Variants in RBFOX3 observed in about 807,000 individuals in gnomAD.
RBFOX3 encodes the protein RNA binding fox-1 homolog 3, also known as RNA binding protein fox-1 homolog 3.
RBFOX3 carries 17 observed loss-of-function variants against 48.7 expected under a neutral mutation model. The observed-to-expected ratio is 0.35, with a 90% CI of 0.24 to 0.52. The LOEUF (loss-of-function observed/expected upper bound fraction) is 0.52. Among genes scored for constraint, RBFOX3 ranks in the 20% least tolerant of loss-of-function variants. The pLI is 0.94. For missense variants in RBFOX3, 382 were observed against 497.5 expected, an observed-to-expected ratio of 0.77 and a Z score of 2.21; for synonymous variants, 212 against 209.5, an observed-to-expected ratio of 1.01 and a Z score of -0.10.
intron 2 of RBFOX3, among the ~76,000 whole-genome samples, chr17:79,437,271 G>A (rs954932056): frequency 6.6e-6 from 1 of 152,210 alleles, no homozygotes; most frequent in Non-Finnish European, 1.5e-5. Context: ...GGCTGGCCCT[G>A]ACTGACAGCT....
intron 1 of RBFOX3, among the ~76,000 whole-genome samples, chr17:79,565,958 G>A (rs1195218996): frequency 2.6e-5 from 4 of 152,002 alleles, no homozygotes; most frequent in Admixed American, 6.6e-5. Flanking sequence ...CCAGTATTTT[G>A]GGTTCTACTA....
intron 2 of RBFOX3, among the ~76,000 whole-genome samples, chr17:79,464,122 C>A (rs2076001698): frequency 2.0e-5 from 3 of 152,240 alleles, no homozygotes; most frequent in African/African-American, 7.2e-5. Context: ...GGACCCAGAC[C>A]AGGAAATCCA....
intron 1 of RBFOX3, among the ~76,000 whole-genome samples, chr17:79,583,270 C>G (rs1251387258): frequency 6.6e-6 from 1 of 152,190 alleles, no homozygotes; most frequent in African/African-American, 2.4e-5. Flanking sequence ...ATGCAGTAAG[C>G]TGATGTGTGT....
At chr17:79,358,933 C>T (rs1214097715) in intron 2 of RBFOX3, among the ~76,000 whole-genome samples, 1 of 152,218 alleles carries the variant, frequency 6.6e-6, no homozygotes, top group Non-Finnish European at 1.5e-5. Flanking sequence ...CCCTCTTTTC[C>T]CAAGTGCCCC....
the RBFOX3 span, among the ~76,000 whole-genome samples, chr17:79,650,622 T>A: frequency 7.9e-5 from 12 of 151,888 alleles, no homozygotes; most frequent in Non-Finnish European, 1.2e-4. Flanking sequence ...TAAACAGAAG[T>A]CTCCGGCCCC....
chr17:79,547,174 A>G (rs1369075324), intron 1 of RBFOX3, among the ~76,000 whole-genome samples: 1 of 152,118 alleles, frequency 6.6e-6, no homozygotes, highest in African/African-American at 2.4e-5. Flanking sequence ...CCAAGCGTTC[A>G]CTTTTCTATT....
intron 1 of RBFOX3, among the ~76,000 whole-genome samples, chr17:79,483,518 C>T (rs1477224171): frequency 1.5e-5 from 2 of 136,282 alleles, no homozygotes; most frequent in African/African-American, 5.8e-5. Context: ...CCAAGGCCAT[C>T]CAGGAGCAGA....
At chr17:79,314,424 C>T (rs1269231906) in intron 2 of RBFOX3, among the ~76,000 whole-genome samples, 1 of 152,108 alleles carries the variant, frequency 6.6e-6, no homozygotes, top group African/African-American at 2.4e-5. Flanking sequence ...GCATACGGAG[C>T]TGGTGGGATA....
intron 5 of RBFOX3, among the ~76,000 whole-genome samples, chr17:79,112,134 C>A (rs1473603809): frequency 1.3e-5 from 2 of 152,166 alleles, no homozygotes; most frequent in Admixed American, 6.5e-5. Context: ...AGGGGAGGAG[C>A]CTTCCTGGGG....
At chr17:79,650,805 A>G in the RBFOX3 span, among the ~76,000 whole-genome samples, 2 of 152,140 alleles carry the variant, frequency 1.3e-5, no homozygotes, top group African/African-American at 4.8e-5. Flanking sequence ...CATCGACGTC[A>G]GCGCCCACCA....
chr17:79,473,083 G>A lies in RBFOX3; in HGVS notation c.-175+9371C>T, dbSNP rs1356525930. On this transcript the variant is annotated intron_variant, in intron 2 of 14. Transcript: ENST00000693108. This position sits in a 1 kb window ranked among gnomAD's most constrained non-coding sequence, Gnocchi z 4.2. ...TCACTAGAAAAATGGAATAAAGAAG[G>A]CATACAAAACACAAAGCCCAGGTTC... is the stretch of plus-strand genomic sequence containing the variant. Among the ~76,000 whole-genome samples, 1 of 152,078 alleles carries A rather than the reference G, an allele frequency of 6.6e-6. No homozygotes were observed. The highest frequency in any genetic ancestry group is 2.4e-5 in the African/African-American group (1 of 41,424).
the RBFOX3 span, among the ~76,000 whole-genome samples, chr17:79,639,409 C>G: frequency 9.5e-4 from 145 of 152,242 alleles, 1 homozygote; most frequent in Middle Eastern, 0.031. Context: ...ATCTCCTGAC[C>G]TCGTGATCTG....
chr17:79,227,713 C>G (rs2060483917), intron 4 of RBFOX3, among the ~76,000 whole-genome samples: 1 of 152,168 alleles, frequency 6.6e-6, no homozygotes, highest in Non-Finnish European at 1.5e-5. Flanking sequence ...CCTGACCAGC[C>G]TGAGGGATGC....
chr17:79,131,931 G>A (rs974547903), intron 4 of RBFOX3, among the ~76,000 whole-genome samples: 2 of 152,160 alleles, frequency 1.3e-5, no homozygotes, highest in African/African-American at 2.4e-5. Context: ...ATTTTCACAC[G>A]ATTAAGCGGT....
At chr17:79,168,914 TCA>T (rs2048570943) in intron 4 of RBFOX3, among the ~76,000 whole-genome samples, 1 of 152,148 alleles carries the variant, frequency 6.6e-6, no homozygotes, top group South Asian at 2.1e-4. Flanking sequence ...CACTTGGTAC[TCA>T]CAGTACCAGA....
intron 2 of RBFOX3, among the ~76,000 whole-genome samples, chr17:79,378,652 C>G (rs56039694): frequency 0.12 from 18,752 of 152,164 alleles, 1,580 homozygotes; most frequent in Non-Finnish European, 0.19. Flanking sequence ...TCCTCTCGCT[C>G]TCCTGCTCTG....
At chr17:79,445,533 A>G (rs1401603678) in intron 2 of RBFOX3, among the ~76,000 whole-genome samples, 2 of 152,156 alleles carry the variant, frequency 1.3e-5, no homozygotes, top group Non-Finnish European at 2.9e-5. Context: ...CAGATCTTCA[A>G]GACAAGCCCA....
the RBFOX3 span, among the ~76,000 whole-genome samples, chr17:79,630,750 C>T: frequency 6.6e-6 from 1 of 152,218 alleles, no homozygotes; most frequent in Non-Finnish European, 1.5e-5. Flanking sequence ...TGACTCCCTA[C>T]TATGCACTAG....
chr17:79,336,708 G>T (rs552279394), intron 2 of RBFOX3, among the ~76,000 whole-genome samples: 1 of 152,208 alleles, frequency 6.6e-6, no homozygotes, highest in African/African-American at 2.4e-5. Flanking sequence ...GATCACAACA[G>T]GGGGGTGGCT....
Sources: gnomAD v4.1 joint callset for allele counts (sites outside exome capture counted in the v4.1 genomes callset) on GRCh38, gnomAD v4.1.1 for gene constraint, Gnocchi (gnomAD v3.1) non-coding constraint, MANE v1.5 for transcripts, NCBI Gene and HGNC (gene_info 2026-07-23, HGNC 2026-07-21) for gene names.